ABCB5: variants seen among roughly 807,000 people sequenced by gnomAD.
ABCB5 encodes ATP binding cassette subfamily B member 5.
In ABCB5, 155 loss-of-function variants were observed where a neutral mutation model predicts 144.2. The ratio of observed to expected loss-of-function variants is 1.08; its 90% CI spans 0.94 to 1.23. The LOEUF is 1.23. Among genes scored for constraint, ABCB5 ranks in the 50% most tolerant of loss-of-function variants. The pLI, the probability that ABCB5 is intolerant of heterozygous loss-of-function variation, is 0.00. For synonymous variants in ABCB5, 610 were observed against 528.6 expected (o/e 1.15, Z -2.11); for missense variants, 1,830 against 1,520.8 (o/e 1.20, Z -3.38).
chr7:20,722,166 T>C (rs1470185252), intron 20 of ABCB5, among the ~76,000 whole-genome samples: 3 of 152,270 alleles, frequency 2.0e-5, no homozygotes, highest in Non-Finnish European at 4.4e-5. Flanking sequence ...TCAGCTTTAT[T>C]ACCAAGAACT....
chr7:20,669,381 T>C (rs1785379925), intron 14 of ABCB5, among the ~76,000 whole-genome samples: 1 of 145,410 alleles, frequency 6.9e-6, no homozygotes, highest in Non-Finnish European at 1.5e-5. Context: ...TGTTCTGTAC[T>C]AAGAAAAATT....
At chr7:20,631,264 G>C (rs1485607128) in intron 4 of ABCB5, among the ~76,000 whole-genome samples, 1 of 151,948 alleles carries the variant, frequency 6.6e-6, no homozygotes, top group East Asian at 1.9e-4. Context: ...CTCCATTTCT[G>C]CCACATGAAT....
chr7:20,727,215 G>T, intron 22 of ABCB5, 75 bp downstream of exon 22: 1 of 981,628 alleles, frequency 1.0e-6, no homozygotes, highest in Non-Finnish European at 1.5e-6. Context: ...TGACTCCAGT[G>T]GTTTGCCTGC....
At chr7:20,631,934 C>A in intron 4 of ABCB5, 125 bp from the exon 5 acceptor site, 1 of 468,258 alleles carries the variant, frequency 2.1e-6, no homozygotes, top group South Asian at 5.9e-5. Context: ...TGATAATAAA[C>A]TGCGTGTGGG....
intron 20 of ABCB5, among the ~76,000 whole-genome samples, chr7:20,721,012 C>G (rs919315429): frequency 1.4e-5 from 2 of 147,826 alleles, no homozygotes; most frequent in Admixed American, 6.7e-5. Context: ...AGAGGCCTGA[C>G]ACCTAAATGA....
At chr7:20,719,237 T>A (rs1781783256) in intron 20 of ABCB5, among the ~76,000 whole-genome samples, 1 of 151,600 alleles carries the variant, frequency 6.6e-6, no homozygotes, top group African/African-American at 2.4e-5. Flanking sequence ...GGGCCCTCAT[T>A]TTTTTTTAAT....
chr7:20,671,536 A>G (rs12700228), intron 14 of ABCB5, among the ~76,000 whole-genome samples: 30,969 of 152,070 alleles, frequency 0.2, 3,277 homozygotes, highest in East Asian at 0.26. Context: ...ATTAGTTTGT[A>G]TTTTCTAGAA....
intron 23 of ABCB5, among the ~76,000 whole-genome samples, chr7:20,730,059 C>T (rs567754546): frequency 6.6e-6 from 1 of 152,284 alleles, no homozygotes; most frequent in South Asian, 2.1e-4. Flanking sequence ...AGTGAAGTCC[C>T]AGGAAGTTTC....
intron 1 of ABCB5, among the ~76,000 whole-genome samples, chr7:20,616,460 A>G (rs745746486): frequency 2.6e-5 from 4 of 152,198 alleles, no homozygotes; most frequent in Non-Finnish European, 5.9e-5. Context: ...TTCTTCTCAC[A>G]TGGGTATTTT....
intron 20 of ABCB5, among the ~76,000 whole-genome samples, chr7:20,706,823 G>A (rs1786840768): frequency 6.6e-6 from 1 of 152,098 alleles, no homozygotes; most frequent in South Asian, 2.1e-4. Flanking sequence ...AACATAGTGG[G>A]ACTCTATCTC....
At position 20,629,324 on chromosome 7, in the gene ABCB5, C is replaced by A. The variant is rs534116157; in HGVS notation, c.259+486C>A. Reference sequence around the variant, plus strand: ...ATCAGAAAGCCATTTGCTGACGTTACGTAGGAATCATCTGAAGCCCACAAT... The same window carrying A: ...ATCAGAAAGCCATTTGCTGACGTTAAGTAGGAATCATCTGAAGCCCACAAT... On this transcript the variant is annotated intron_variant, in intron 4 of 27. Transcript: ENST00000404938. 3.0e-4 allele frequency among the ~76,000 whole-genome samples: 46 copies of A among 152,208 alleles called. 1 individual carries two copies. The highest frequency in any genetic ancestry group is 1.1e-3 in the African/African-American group (46 of 41,536).
chr7:20,650,241 T>A, intron 12 of ABCB5, 94 bp downstream of exon 12: 2 of 1,478,076 alleles, frequency 1.4e-6, no homozygotes, highest in South Asian at 1.3e-5. Context: ...TTTTCAACAG[T>A]AGAGCTGGGA....
intron 15 of ABCB5, among the ~76,000 whole-genome samples, chr7:20,682,885 A>G (rs1193414482): frequency 6.6e-6 from 1 of 152,122 alleles, no homozygotes; most frequent in Non-Finnish European, 1.5e-5. Flanking sequence ...TCATGGATCC[A>G]CCCTACTGGA....
intron 1 of ABCB5, among the ~76,000 whole-genome samples, chr7:20,619,119 G>C (rs551481659): frequency 6.6e-6 from 1 of 152,230 alleles, no homozygotes; most frequent in South Asian, 2.1e-4. Context: ...AAGGCACCCA[G>C]GTTGCTTCCA....
At chr7:20,730,496 G>C (rs560753738) in intron 23 of ABCB5, among the ~76,000 whole-genome samples, 1 of 152,168 alleles carries the variant, frequency 6.6e-6, no homozygotes, top group Admixed American at 6.5e-5. Flanking sequence ...ATGACAGAGT[G>C]AGACTCTGCC....
chr7:20,652,201 A>G (rs1176302795), intron 13 of ABCB5, among the ~76,000 whole-genome samples: 2 of 152,346 alleles, frequency 1.3e-5, no homozygotes, highest in African/African-American at 4.8e-5. Flanking sequence ...CAATGTTCAG[A>G]TTGGTTCTGT....
intron 13 of ABCB5, among the ~76,000 whole-genome samples, chr7:20,654,835 G>A (rs765329479): frequency 1.3e-5 from 2 of 152,036 alleles, no homozygotes; most frequent in Non-Finnish European, 2.9e-5. Context: ...ATTGCTCTGA[G>A]AGAAACTTAT....
chr7:20,728,038 G>C (rs1335103345), intron 22 of ABCB5, among the ~76,000 whole-genome samples: 2 of 152,098 alleles, frequency 1.3e-5, no homozygotes, highest in Non-Finnish European at 2.9e-5. Flanking sequence ...CCTTTCACGG[G>C]CTTTGCCCAT....
chr7:20,690,520 C>T (rs1415014755), intron 16 of ABCB5, among the ~76,000 whole-genome samples: 1 of 152,178 alleles, frequency 6.6e-6, no homozygotes, highest in Non-Finnish European at 1.5e-5. Flanking sequence ...TGAAGCACTG[C>T]TGCATTAGAG....
Sources: gnomAD v4.1 joint callset for allele counts (sites outside exome capture counted in the v4.1 genomes callset) on GRCh38, gnomAD v4.1.1 for gene constraint, MANE v1.5 for transcripts, NCBI Gene and HGNC (gene_info 2026-07-23, HGNC 2026-07-21) for gene names.